Variants in MYL1 observed in about 807,000 individuals in gnomAD.
MYL1 encodes myosin light chain 1/3, skeletal muscle isoform.
In MYL1, 16 loss-of-function variants were observed where a neutral mutation model predicts 21.8. The ratio of observed to expected loss-of-function variants is 0.74; its 90% CI spans 0.50 to 1.12. MYL1 has a LOEUF of 1.12. MYL1 is among the 50% of genes most tolerant of loss of function. MYL1 has a pLI of 0.00. For synonymous variants in MYL1, 99 were observed against 85.2 expected (o/e 1.16, Z -0.89); for missense variants, 246 against 241.0 (o/e 1.02, Z -0.14).
chr2:210,311,074 A>G (rs939989044), intron 1 of MYL1, among the ~76,000 whole-genome samples: 2 of 152,072 alleles, frequency 1.3e-5, no homozygotes, highest in Admixed American at 1.3e-4. Context: ...ATTAAATAAG[A>G]TAACATGGCA....
intron 5 of MYL1, 62 bp downstream of exon 5, chr2:210,293,661 G>A: frequency 7.3e-7 from 1 of 1,365,464 alleles, no homozygotes; most frequent in Non-Finnish European, 1.0e-6. Flanking sequence ...AGCTCAAAAG[G>A]AGCCCATCAT....
intron 3 of MYL1, among the ~76,000 whole-genome samples, chr2:210,295,265 T>G (rs1369793031): frequency 1.3e-5 from 2 of 152,172 alleles, no homozygotes; most frequent in Non-Finnish European, 2.9e-5. Context: ...AAAAATTAAA[T>G]TTGAATGCTG....
rs146564189 is a variant in MYL1, at chr2:210,296,397, T to C, written c.305-1979A>G. On this transcript the variant is annotated intron_variant, in intron 3 of 6. Coordinates refer to ENST00000352451, the MANE Select transcript of MYL1 (RefSeq NM_079420.3). ...TAGAACTATTCCTCCAATCTAGTTATAATTTTGTATTCATTTACTGACCTC... is the reference window on the plus strand; with the variant it reads ...TAGAACTATTCCTCCAATCTAGTTACAATTTTGTATTCATTTACTGACCTC... Among the ~76,000 whole-genome samples, 661 of 152,334 alleles carry C rather than the reference T, an allele frequency of 4.3e-3. 8 individuals are homozygous for C. Among genetic ancestry groups the C allele is most frequent in the African/African-American group, 0.015 (626 of 41,578 alleles).
At chr2:210,302,828 C>G in intron 1 of MYL1, 3 of 1,548,946 alleles carry the variant, frequency 1.9e-6, no homozygotes, top group Non-Finnish European at 2.6e-6. Context: ...AGAAAAAAAA[C>G]TAGTACTCTT....
intron 1 of MYL1, among the ~76,000 whole-genome samples, chr2:210,310,413 A>G (rs1365457072): frequency 1.3e-5 from 2 of 152,086 alleles, no homozygotes; most frequent in African/African-American, 4.8e-5. Context: ...ATTTGTAAAC[A>G]AAATAGAGAT....
intron 4 of MYL1, 110 bp from the exon 5 acceptor site, chr2:210,293,910 C>A: frequency 1.1e-6 from 1 of 909,286 alleles, no homozygotes; most frequent in South Asian, 1.5e-5. Context: ...CATATAGGAA[C>A]TGTGACTTTC....
chr2:210,305,519 T>A (rs1690330075), intron 1 of MYL1, among the ~76,000 whole-genome samples: 1 of 152,124 alleles, frequency 6.6e-6, no homozygotes, highest in Non-Finnish European at 1.5e-5. Context: ...CTTTTTTAGT[T>A]TTGTAATTAT....
At chr2:210,294,605 C>T (rs1690144809) in intron 3 of MYL1, among the ~76,000 whole-genome samples, 187 bp from the exon 4 acceptor site, 1 of 152,108 alleles carries the variant, frequency 6.6e-6, no homozygotes, top group Non-Finnish European at 1.5e-5. Context: ...AATTGCAGTT[C>T]CTGAGCTTTT....
chr2:210,314,865 T>C (rs745917509), intron 1 of MYL1, 46 bp downstream of exon 1: 17 of 1,607,152 alleles, frequency 1.1e-5, no homozygotes, highest in Non-Finnish European at 1.4e-5. Flanking sequence ...AGATCCTTAC[T>C]ATTGAAAGAT....
At chr2:210,311,244 A>G (rs1173616785) in intron 1 of MYL1, among the ~76,000 whole-genome samples, 3 of 152,090 alleles carry the variant, frequency 2.0e-5, no homozygotes, top group African/African-American at 7.2e-5. Context: ...AAGAACTTAC[A>G]GATGAACAAA....
At chr2:210,302,874 TC>T in intron 1 of MYL1, 1 of 1,478,368 alleles carries the variant, frequency 6.8e-7, no homozygotes, top group African/African-American at 1.4e-5. Context: ...TGCTGGTTGC[TC>T]TGAGATTTTT....
chr2:210,306,061 A>C (rs74453566), intron 1 of MYL1, among the ~76,000 whole-genome samples: 2 of 118,040 alleles, frequency 1.7e-5, no homozygotes, highest in Admixed American at 9.4e-5. Context: ...ACTCCCTCAC[A>C]AAAAAAAAAT....
At chr2:210,308,827 G>A (rs1346180457) in intron 1 of MYL1, among the ~76,000 whole-genome samples, 1 of 150,614 alleles carries the variant, frequency 6.6e-6, no homozygotes, top group Non-Finnish European at 1.5e-5. Context: ...TTGTGCATTT[G>A]TTTGCATGTA....
At chr2:210,310,948 C>T (rs2125744805) in intron 1 of MYL1, among the ~76,000 whole-genome samples, 1 of 152,166 alleles carries the variant, frequency 6.6e-6, no homozygotes, top group African/African-American at 2.4e-5. Context: ...AAGTTAAACC[C>T]TAGGTCCATC....
In MYL1 at chr2:210,302,472, T is replaced by C. The variant is rs1437312234; in HGVS notation, c.160+16A>G. Reference sequence around the variant, plus strand: ...TATGAGTGTGCACATTTAAGAACCATAGCTTTTAAACTTACCATCCTGCTG... The same window carrying C: ...TATGAGTGTGCACATTTAAGAACCACAGCTTTTAAACTTACCATCCTGCTG... On this transcript the variant is annotated intron_variant, in intron 2 of 6. Transcript: ENST00000352451. 4 of 1,605,678 alleles carry C rather than the reference T, an allele frequency of 2.5e-6. No homozygotes were observed. The highest frequency in any genetic ancestry group is 1.3e-5 in the African/African-American group (1 of 74,486).
Position 210,314,959 on chromosome 2 carries a change from A to C in MYL1, c.84T>G (p.Pro28=). The part of the protein sequence containing the change: ...PAPAPAPAPA[P]APAKPKEEKI... Reference sequence around the variant, plus strand: ...TTTCTTCTTTGGGTTTGGCTGGGGCAGGGGCAGGTGCAGGTGCCGGTGCCG... The same window carrying C: ...TTTCTTCTTTGGGTTTGGCTGGGGCCGGGGCAGGTGCAGGTGCCGGTGCCG... The change falls in exon 1 of 7, where the codon CCT becomes CCG. Residue 28 remains proline, a synonymous_variant. Coordinates refer to ENST00000352451, the MANE Select transcript of MYL1 (RefSeq NM_079420.3). The C allele has an allele frequency of 6.2e-7, 1 of 1,613,564 alleles. No individual in the cohort carries two copies. The highest frequency in any genetic ancestry group is 8.5e-7 in the Non-Finnish European group (1 of 1,179,694).
intron 1 of MYL1, among the ~76,000 whole-genome samples, chr2:210,307,877 C>T (rs973434229): frequency 3.3e-5 from 5 of 151,908 alleles, no homozygotes; most frequent in Non-Finnish European, 7.4e-5. Flanking sequence ...TTTGTACCAA[C>T]CTAACAAAGA....
intron 2 of MYL1, among the ~76,000 whole-genome samples, chr2:210,300,492 A>G (rs538006311): frequency 6.6e-6 from 1 of 152,034 alleles, no homozygotes; most frequent in East Asian, 1.9e-4. Flanking sequence ...AGTTGTTTTT[A>G]CAGAGTCTAT....
At chr2:210,307,618 G>A (rs866255574) in intron 1 of MYL1, among the ~76,000 whole-genome samples, 6 of 152,040 alleles carry the variant, frequency 3.9e-5, no homozygotes, top group Middle Eastern at 3.4e-3. Flanking sequence ...CTACATATTT[G>A]CTTAGACTCT....
Sources: gnomAD v4.1 joint callset for allele counts (sites outside exome capture counted in the v4.1 genomes callset) on GRCh38, gnomAD v4.1.1 for gene constraint, MANE v1.5 for transcripts, NCBI Gene and HGNC (gene_info 2026-07-23, HGNC 2026-07-21) for gene names.